Variants in MYB observed in about 807,000 individuals in gnomAD.
MYB encodes MYB proto-oncogene, transcription factor, also known as transcriptional activator Myb.
Under a neutral mutation model 92.9 loss-of-function variants are expected in MYB, and 28 were observed. The ratio of observed to expected loss-of-function variants is 0.30; its 90% confidence interval spans 0.22 to 0.41. The LOEUF is 0.41. Among genes scored for constraint, MYB ranks in the 10% least tolerant of loss-of-function variants. The pLI is 1.00. For synonymous variants in MYB, 295 were observed against 329.1 expected (o/e 0.90, Z 1.12); for missense variants, 679 against 929.3 (o/e 0.73, Z 3.50).
At chr6:135,184,322 C>CTTTTTTTTTTTTTT in intron 1 of MYB, among the ~76,000 whole-genome samples, 58 of 68,396 alleles carry the variant, frequency 8.5e-4, no homozygotes, top group Non-Finnish European at 1.1e-3. Context: ...GGCTTTATAG[C>CTTTTTTTTTTTTTT]TTTTTTTTTT....
chr6:135,197,167 A>C lies in MYB; in HGVS notation c.1410A>C (p.Ala470=), dbSNP rs1777438965. Residue 470 remains alanine (A), a synonymous_variant, in exon 10 of 16, where the codon GCA becomes GCC. Transcript: ENST00000341911. ...SLDPPKVLPP[A]RHSTIPLVIL... is the part of the protein sequence containing the mutation. ...ACCCACCCAAGGTCTTACCTCCTGC[A>C]AGGCACAGCACAATTCCACTGGTCA... The C allele has an allele frequency of 6.2e-7, 1 of 1,614,014 alleles. No homozygotes were observed. The highest frequency in any genetic ancestry group is 1.3e-5 in the African/African-American group (1 of 75,050).
intron 2 of MYB, among the ~76,000 whole-genome samples, chr6:135,186,431 A>G (rs1290765826): frequency 6.6e-6 from 1 of 152,200 alleles, no homozygotes; most frequent in Admixed American, 6.5e-5. Context: ...TGGGACATAT[A>G]TACCTCCTCC....
At position 135,196,136 on chromosome 6, in the gene MYB, A is replaced by G. The variant is rs1002748665; in HGVS notation, c.1203+134A>G. 21 of 917,768 alleles carry G rather than the reference A, an allele frequency of 2.3e-5. No individual in the cohort carries two copies. The African/African-American group carries it at 2.3e-4, about 10-fold the overall frequency. 56.9% of individuals were successfully genotyped at this position (917,768 alleles called of 1,614,324 possible). On this transcript the variant is annotated intron_variant, in intron 9 of 15. Transcript: ENST00000341911. ...ATGTAAAGGTAGAAGTATGATTTTCATCTTCATGAATATGTTTTTTCAAAG... is the reference window on the plus strand; with the variant it reads ...ATGTAAAGGTAGAAGTATGATTTTCGTCTTCATGAATATGTTTTTTCAAAG...
rs1780722653 is a variant in MYB, at chr6:135,218,488, T to C, written c.*508T>C. On this transcript the variant is annotated 3_prime_UTR_variant, in exon 16 of 16. Coordinates refer to ENST00000341911, the MANE Select transcript of MYB (RefSeq NM_001130173.2). ...AAATGCTCATTTATGGTTAATGACA[T>C]TGAAGGTACATTTATTGTACCAAAC... 5.4e-6 allele frequency: 1 copy of C among 185,298 alleles called. No individual in the cohort carries two copies. The highest frequency in any genetic ancestry group is 1.1e-5 in the Non-Finnish European group (1 of 87,264). The allele number at this position is 185,298 out of a possible 1,614,324, so 11.5% of individuals were successfully genotyped here. A position where few individuals can be genotyped will look rare whatever the true frequency, so the allele number is the denominator to read the frequency against.
chr6:135,196,396 A>C (rs1249185058), intron 9 of MYB, among the ~76,000 whole-genome samples: 1 of 152,052 alleles, frequency 6.6e-6, no homozygotes, highest in Non-Finnish European at 1.5e-5. Context: ...GCTTCTCTAG[A>C]ATTTTGTCTT....
At chr6:135,201,540 T>C in intron 13 of MYB, 99 bp from the exon 14 acceptor site, 1 of 670,106 alleles carries the variant, frequency 1.5e-6, no homozygotes, top group South Asian at 2.3e-5. Context: ...AACATAGTTT[T>C]ATAAAAGTAT....
At chr6:135,196,652 A>T in intron 9 of MYB, 3 of 966,042 alleles carry the variant, frequency 3.1e-6, no homozygotes, top group South Asian at 1.4e-5. Context: ...TTGCACACTC[A>T]TTGGTTAGGA....
intron 15 of MYB, chr6:135,203,996 C>A: frequency 2.7e-6 from 2 of 746,368 alleles, no homozygotes; most frequent in African/African-American, 1.9e-5. Context: ...TTATTTAAAG[C>A]AGTTTCTGAC....
At chr6:135,194,047 G>A (rs886111115) in intron 7 of MYB, 129 bp downstream of exon 7, 1 of 710,596 alleles carries the variant, frequency 1.4e-6, no homozygotes, top group Non-Finnish European at 2.4e-6. Flanking sequence ...GGAGAGCAGA[G>A]TCTTGGCCAG....
chr6:135,215,466 C>T lies in MYB; in HGVS notation c.2170-2398C>T, dbSNP rs192738580. 2.4e-4 allele frequency among the ~76,000 whole-genome samples: 37 copies of T among 152,228 alleles called. No homozygotes were observed. The East Asian group carries it at 6.0e-3, about 25-fold the overall frequency. On this transcript the variant is annotated intron_variant, in intron 15 of 15. Coordinates refer to ENST00000341911, the MANE Select transcript of MYB (RefSeq NM_001130173.2). ...CTTACCCAGGTAACCTTGAGTATGG[C>T]GCCTAAATCCTCTCTTCCTTTCAAA...
At chr6:135,189,362 C>T (rs982370448) in intron 3 of MYB, among the ~76,000 whole-genome samples, 1 of 152,152 alleles carries the variant, frequency 6.6e-6, no homozygotes, top group African/African-American at 2.4e-5. Context: ...AATATAAATA[C>T]TTTGGTCCTG....
intron 6 of MYB, 150 bp downstream of exon 6, chr6:135,192,708 G>A: frequency 2.8e-6 from 2 of 716,436 alleles, no homozygotes; most frequent in South Asian, 1.8e-5. Context: ...AGTAGATAGG[G>A]TGTAGGTATG....
chr6:135,194,044 A>T, intron 7 of MYB, 126 bp downstream of exon 7: 1 of 742,992 alleles, frequency 1.3e-6, no homozygotes, highest in Non-Finnish European at 2.3e-6. Context: ...AGAGGAGAGC[A>T]GAGTCTTGGC....
chr6:135,186,082 A>G lies in MYB; in HGVS notation c.141+62A>G. 10 of 1,407,140 alleles carry G rather than the reference A, an allele frequency of 7.1e-6. No homozygotes were observed. In the Admixed American group the frequency reaches 1.8e-4, roughly 25 times the overall value. The allele number at this position is 1,407,140 out of a possible 1,614,324, so 87.2% of individuals were successfully genotyped here. A position where few individuals can be genotyped will look rare whatever the true frequency, so the allele number is the denominator to read the frequency against. Reference sequence around the variant, plus strand: ...AGAGTGTATAATTTATAAAAAACAAAATTTCAACTAAACTACAGGTGCTCA... The same window carrying G: ...AGAGTGTATAATTTATAAAAAACAAGATTTCAACTAAACTACAGGTGCTCA... On this transcript the variant is annotated intron_variant, in intron 2 of 15. Coordinates refer to ENST00000341911, the MANE Select transcript of MYB (RefSeq NM_001130173.2).
At chr6:135,203,423 C>A in intron 15 of MYB, 99 bp downstream of exon 15, 1 of 954,670 alleles carries the variant, frequency 1.0e-6, no homozygotes, top group South Asian at 1.5e-5. Context: ...TGCTGGTGGT[C>A]TGTTTTTCGT....
At chr6:135,191,992 A>C (rs1176180262) in intron 5 of MYB, among the ~76,000 whole-genome samples, 2 of 152,210 alleles carry the variant, frequency 1.3e-5, no homozygotes, top group Non-Finnish European at 1.5e-5. Context: ...GGAACTTTAC[A>C]TTGTGTTGGA....
At chr6:135,210,972 CCT>C (rs1319734645) in intron 15 of MYB, among the ~76,000 whole-genome samples, 15 of 152,016 alleles carry the variant, frequency 9.9e-5, no homozygotes, top group Admixed American at 3.9e-4. Context: ...CATGCTATTC[CCT>C]GTCCCACTCT....
intron 15 of MYB, among the ~76,000 whole-genome samples, chr6:135,212,179 A>G (rs1415784889): frequency 1.3e-5 from 2 of 151,206 alleles, no homozygotes; most frequent in African/African-American, 2.4e-5. Flanking sequence ...TTAAAACAAA[A>G]CACAATAAAA....
chr6:135,198,571 AT>A (rs1411045487), intron 10 of MYB, among the ~76,000 whole-genome samples: 1 of 152,216 alleles, frequency 6.6e-6, no homozygotes, highest in Non-Finnish European at 1.5e-5. Flanking sequence ...ATTAACTATT[AT>A]TTTCCCCAAA....
Sources: allele counts gnomAD v4.1 joint callset (sites outside exome capture counted in the v4.1 genomes callset), GRCh38; gene constraint gnomAD v4.1.1; transcripts MANE v1.5; gene names NCBI Gene and HGNC (gene_info 2026-07-23, HGNC 2026-07-21).